The following ZNF236 variants were observed in gnomAD, a reference collection of about 807,000 sequenced individuals.
ZNF236 encodes the protein regulated by glucose.
A neutral mutation model predicts 191.2 loss-of-function variants in ZNF236; 50 were observed. The ratio of observed to expected loss-of-function variants is 0.26; its 90% CI spans 0.21 to 0.33. The LOEUF (loss-of-function observed/expected upper bound fraction) is 0.33, where lower values mean the gene tolerates loss of function less well. ZNF236 is among the 10% of genes least tolerant of loss of function. The pLI is 1.00. For synonymous variants in ZNF236, 907 were observed against 928.8 expected, an observed-to-expected ratio of 0.98 and a Z score of 0.43; for missense variants, 1,754 against 2,374.5, an observed-to-expected ratio of 0.74 and a Z score of 5.43.
At chr18:76,964,058 T>C (rs1192638602) in intron 30 of ZNF236, among the ~76,000 whole-genome samples, 2 of 152,220 alleles carry the variant, frequency 1.3e-5, no homozygotes, top group African/African-American at 4.8e-5. Flanking sequence ...TGTTTCAATT[T>C]CATTTAGTTC....
intron 1 of ZNF236, among the ~76,000 whole-genome samples, chr18:76,840,217 G>A (rs112616611): frequency 4.8e-4 from 73 of 152,318 alleles, no homozygotes; most frequent in African/African-American, 1.6e-3. Flanking sequence ...GAGACCGGCC[G>A]GGTGCGGTGG....
chr18:76,874,754 C>T (rs904123508), intron 5 of ZNF236, among the ~76,000 whole-genome samples: 1 of 136,218 alleles, frequency 7.3e-6, no homozygotes, highest in African/African-American at 2.8e-5. Context: ...ACCGCCCAGG[C>T]GGCGGATTTC....
At chr18:76,938,851 A>G (rs1249847835) in intron 26 of ZNF236, among the ~76,000 whole-genome samples, 1 of 152,106 alleles carries the variant, frequency 6.6e-6, no homozygotes, top group Non-Finnish European at 1.5e-5. Flanking sequence ...TGTCAGCCAC[A>G]TGTGGTGCTG....
chr18:76,890,054 T>C (rs994654096), intron 9 of ZNF236, among the ~76,000 whole-genome samples: 2 of 152,234 alleles, frequency 1.3e-5, no homozygotes, highest in African/African-American at 4.8e-5. Flanking sequence ...AGTGGCCGTG[T>C]GTGTAGCTGC....
At chr18:76,901,191 C>CA (rs1475163734) in intron 11 of ZNF236, among the ~76,000 whole-genome samples, 1 of 151,778 alleles carries the variant, frequency 6.6e-6, no homozygotes, top group Non-Finnish European at 1.5e-5. Flanking sequence ...TGAAGTTTTA[C>CA]AAAACTTATA....
At chr18:76,936,485 C>T (rs1032434897) in intron 25 of ZNF236, 6 of 447,874 alleles carry the variant, frequency 1.3e-5, no homozygotes, top group Non-Finnish European at 2.2e-5. Context: ...CTCTTAGTAT[C>T]GGCTGCAAGG....
chr18:76,860,028 C>T (rs1454236920), intron 3 of ZNF236, among the ~76,000 whole-genome samples: 9 of 152,018 alleles, frequency 5.9e-5, no homozygotes, highest in East Asian at 1.9e-4. Context: ...ACCGCTCAGC[C>T]GCTGGGAGGA....
At chr18:76,953,864 T>A (rs1056335681) in intron 27 of ZNF236, among the ~76,000 whole-genome samples, 3 of 152,192 alleles carry the variant, frequency 2.0e-5, no homozygotes, top group African/African-American at 7.2e-5. Flanking sequence ...AGGAGGTGGA[T>A]GGAGAGGCCG....
At chr18:76,828,867 A>G (rs978970051) in intron 1 of ZNF236, among the ~76,000 whole-genome samples, 2 of 152,028 alleles carry the variant, frequency 1.3e-5, no homozygotes, top group Non-Finnish European at 1.5e-5. Context: ...GGGTTTCACC[A>G]TGTTGCCCAG....
rs1203742506 is a variant in ZNF236, at chr18:76,971,091, T to C, written c.*2752T>C. ...TCAAGTAACCATGAAGCACTGAAGC[T>C]GAAAGAATGAATTGCCTTTGCAAAG... On this transcript the variant is annotated 3_prime_UTR_variant, in exon 31 of 31. Coordinates refer to ENST00000320610, the MANE Select transcript of ZNF236 (RefSeq NM_001306089.2). Among the ~76,000 whole-genome samples, 2 of 152,234 alleles carry C rather than the reference T, an allele frequency of 1.3e-5. No homozygotes were observed. Among genetic ancestry groups the C allele is most frequent in the African/African-American group, 4.8e-5 (2 of 41,464 alleles).
chr18:76,956,386 A>G (rs1295567124), intron 28 of ZNF236, among the ~76,000 whole-genome samples: 1 of 152,114 alleles, frequency 6.6e-6, no homozygotes, highest in African/African-American at 2.4e-5. Context: ...TTCACCTGCA[A>G]CTCACAATCA....
At chr18:76,966,940 T>C (rs550312162) in intron 30 of ZNF236, among the ~76,000 whole-genome samples, 1 of 152,332 alleles carries the variant, frequency 6.6e-6, no homozygotes, top group Non-Finnish European at 1.5e-5. Context: ...TCCATGCATT[T>C]TGCGGGTGTG....
intron 2 of ZNF236, 121 bp downstream of exon 2, chr18:76,849,789 C>G: frequency 1.1e-6 from 1 of 932,204 alleles, no homozygotes; most frequent in Non-Finnish European, 1.5e-6. Flanking sequence ...ATTTTATATT[C>G]TACAAATAAA....
intron 1 of ZNF236, among the ~76,000 whole-genome samples, chr18:76,825,212 C>G (rs1461923422): frequency 6.6e-6 from 1 of 152,224 alleles, no homozygotes; most frequent in East Asian, 1.9e-4. Flanking sequence ...TTCAGAGAGG[C>G]CTTCCTCAAA....
intron 1 of ZNF236, among the ~76,000 whole-genome samples, chr18:76,829,567 A>G (rs77827798): frequency 0.011 from 1,712 of 152,314 alleles, 24 homozygotes; most frequent in African/African-American, 0.039. Flanking sequence ...GACTCAAGCT[A>G]TCCCCTGCCT....
intron 27 of ZNF236, among the ~76,000 whole-genome samples, chr18:76,954,552 G>T (rs77580693): frequency 6.6e-6 from 1 of 152,208 alleles, no homozygotes; most frequent in Non-Finnish European, 1.5e-5. Flanking sequence ...CAACAGGCAT[G>T]TGTTTCTGTC....
intron 11 of ZNF236, among the ~76,000 whole-genome samples, chr18:76,901,455 A>G (rs1244492912): frequency 6.6e-6 from 1 of 152,246 alleles, no homozygotes; most frequent in Non-Finnish European, 1.5e-5. Context: ...GTAAAAGATC[A>G]TCTTCTCCAA....
intron 9 of ZNF236, among the ~76,000 whole-genome samples, chr18:76,892,491 A>G (rs1156426231): frequency 6.6e-6 from 1 of 151,880 alleles, no homozygotes; most frequent in East Asian, 1.9e-4. Context: ...TTTTAAGACT[A>G]GATGTTGAGT....
chr18:76,915,991 A>T (rs1335669134), intron 19 of ZNF236, 132 bp downstream of exon 19: 2 of 771,200 alleles, frequency 2.6e-6, no homozygotes, highest in Non-Finnish European at 4.0e-6. Flanking sequence ...AGTTTTTAAT[A>T]ATTTTATTTT....
Sources: allele counts gnomAD v4.1 joint callset (sites outside exome capture counted in the v4.1 genomes callset), GRCh38; gene constraint gnomAD v4.1.1; transcripts MANE v1.5; gene names NCBI Gene and HGNC (gene_info 2026-07-23, HGNC 2026-07-21).